The following LUZP1 variants were observed in gnomAD, a reference collection of about 807,000 sequenced individuals.
LUZP1 encodes leucine zipper protein 1, also known as filamin mechanobinding actin cross-linking protein.
A neutral mutation model predicts 71.3 loss-of-function variants in LUZP1; 25 were observed. The observed-to-expected ratio is 0.35, with a 90% CI of 0.26 to 0.49. The LOEUF is 0.49. Among genes scored for constraint, LUZP1 ranks in the 20% least tolerant of loss-of-function variants. The probability of loss-of-function intolerance (pLI) is 0.99; values close to 1 mark genes in which losing one functional copy is unlikely to be tolerated. For synonymous variants in LUZP1, 481 were observed against 506.4 expected (o/e 0.95, Z 0.67); for missense variants, 1,142 against 1,300.8 (o/e 0.88, Z 1.88).
At chr1:23,141,213 G>C (rs1043658801) in intron 2 of LUZP1, 1 of 152,304 alleles carries the variant, frequency 6.6e-6, no homozygotes, top group African/African-American at 2.4e-5. Flanking sequence ...GAAGGTGGGG[G>C]AAAGGAGGAA....
At chr1:23,123,985 A>G (rs547504053) in intron 2 of LUZP1, among the ~76,000 whole-genome samples, 3 of 152,308 alleles carry the variant, frequency 2.0e-5, no homozygotes, top group South Asian at 2.1e-4. Flanking sequence ...AAACATTCAG[A>G]TGTCTTAGAG....
chr1:23,100,728 G>A (rs1643925274), intron 3 of LUZP1, among the ~76,000 whole-genome samples: 1 of 152,190 alleles, frequency 6.6e-6, no homozygotes, highest in Non-Finnish European at 1.5e-5. Flanking sequence ...ATTTTGAGCA[G>A]GCTGAACTCC....
chr1:23,109,925 T>C (rs1420690917), intron 2 of LUZP1, among the ~76,000 whole-genome samples: 1 of 152,194 alleles, frequency 6.6e-6, no homozygotes, highest in Non-Finnish European at 1.5e-5. Context: ...GCAAGGATTC[T>C]ACTAAAAATA....
chr1:23,119,157 T>C (rs1644109653), intron 2 of LUZP1, among the ~76,000 whole-genome samples: 1 of 152,096 alleles, frequency 6.6e-6, no homozygotes, highest in South Asian at 2.1e-4. Flanking sequence ...TACACCATAA[T>C]TATAGACCAC....
In LUZP1 at chr1:23,094,161, G is replaced by T; in HGVS notation, c.101C>A (p.Thr34Lys). 7 of 1,614,138 alleles carry T rather than the reference G, an allele frequency of 4.3e-6. No homozygotes were observed. Among genetic ancestry groups the T allele is most frequent in the Non-Finnish European group, 5.9e-6 (7 of 1,180,032 alleles). The change falls in exon 4 of 5, where the codon ACA (threonine) becomes AAA (lysine). Residue 34 changes from threonine (T) to lysine (K), a missense_variant. By Grantham distance (78) the Thr-to-Lys change is moderately conservative (BLOSUM62 -1). Transcript: ENST00000302291. The surrounding 1 kb of genome is among the most constrained non-coding windows in gnomAD (Gnocchi z 4.7). ...ATCCTCTGCTTTCTGGAGGTTTTTT[G>T]TGGCTTCCTCCAACTCATCAAGGCG...
intron 2 of LUZP1, among the ~76,000 whole-genome samples, chr1:23,114,826 T>C (rs1173239491): frequency 6.6e-6 from 1 of 152,216 alleles, no homozygotes; most frequent in Non-Finnish European, 1.5e-5. Context: ...ACAGACATTG[T>C]TGGACCTCAG....
intron 2 of LUZP1, among the ~76,000 whole-genome samples, chr1:23,150,015 A>G (rs1203131720): frequency 6.6e-6 from 1 of 151,772 alleles, no homozygotes; most frequent in African/African-American, 2.4e-5. Context: ...AAAGATGGCA[A>G]TAATTCAAAA....
chr1:23,136,293 TAAACACAC>T (rs1393048975), intron 2 of LUZP1, among the ~76,000 whole-genome samples: 2 of 80,856 alleles, frequency 2.5e-5, no homozygotes, highest in Non-Finnish European at 4.6e-5. Context: ...GATTCCGTCT[TAAACACAC>T]ACACACACAC....
intron 2 of LUZP1, chr1:23,109,609 T>A (rs1338427688): frequency 6.6e-6 from 1 of 152,152 alleles, no homozygotes; most frequent in Non-Finnish European, 1.5e-5. Context: ...TAGGTCGCAG[T>A]CAAAATACAG....
chr1:23,164,454 T>C (rs1246358393), intron 2 of LUZP1, among the ~76,000 whole-genome samples: 1 of 150,900 alleles, frequency 6.6e-6, no homozygotes, highest in Non-Finnish European at 1.5e-5. Context: ...ATCACACCAC[T>C]GCACTTCAGC....
At chr1:23,157,935 C>T (rs1436681072) in intron 2 of LUZP1, among the ~76,000 whole-genome samples, 1 of 151,956 alleles carries the variant, frequency 6.6e-6, no homozygotes, top group African/African-American at 2.4e-5. Flanking sequence ...TCGCTTGAGC[C>T]CAGGAGTTCA....
exon 5 of LUZP1, chr1:23,088,962 G>A: frequency 6.2e-7 from 1 of 1,614,192 alleles, no homozygotes; most frequent in Non-Finnish European, 8.5e-7. Flanking sequence ...CCCAGACTCT[G>A]GCAGCCCCTG....
At chr1:23,117,478 C>CTCTCTCTCTCTCT (rs35662791) in intron 2 of LUZP1, among the ~76,000 whole-genome samples, 49 of 17,432 alleles carry the variant, frequency 2.8e-3, no homozygotes, top group African/African-American at 8.3e-3. Context: ...TCTCTCTCTC[C>CTCTCTCTCTCTCT]CCCCCCCCCC....
chr1:23,110,483 A>G (rs1360647094), intron 2 of LUZP1, among the ~76,000 whole-genome samples: 1 of 152,114 alleles, frequency 6.6e-6, no homozygotes, highest in Non-Finnish European at 1.5e-5. Context: ...CCCTTCTTTC[A>G]TCACAACTGC....
chr1:23,116,447 C>A (rs954403338), intron 2 of LUZP1, among the ~76,000 whole-genome samples: 1 of 151,906 alleles, frequency 6.6e-6, no homozygotes, highest in African/African-American at 2.4e-5. Flanking sequence ...CTTGAGCCCA[C>A]GTGTTCAAGG....
At position 23,138,927 on chromosome 1, in the gene LUZP1, G is replaced by A. The variant is rs150195392; in HGVS notation, c.-225-29800C>T. Among the ~76,000 whole-genome samples the A allele has an allele frequency of 5.4e-3, 787 of 144,572 alleles. 8 individuals are homozygous for A. The highest frequency in any genetic ancestry group is 0.018 in the African/African-American group (715 of 38,896). The allele number at this position is 144,572 out of a possible 152,430, so 94.8% of individuals were successfully genotyped here. A position where few individuals can be genotyped will look rare whatever the true frequency, so the allele number is the denominator to read the frequency against. Reference sequence around the variant, plus strand: ...GCAGGAGAATCGCTTGAACCCGGGAGGTGGAGGTTGCAGTGAGTCAAGATG... The same window carrying A: ...GCAGGAGAATCGCTTGAACCCGGGAAGTGGAGGTTGCAGTGAGTCAAGATG... On this transcript the variant is annotated intron_variant, in intron 2 of 4. Transcript: ENST00000302291.
rs71020480 is a variant in LUZP1 at position 23,131,219 on chromosome 1, CAAAAAAAAAAAAA to C, written c.-225-22105_-225-22093del. Among the ~76,000 whole-genome samples the C allele has an allele frequency of 2.3e-3, 102 of 45,044 alleles. 2 individuals are homozygous for C. The highest frequency in any genetic ancestry group is 7.9e-3 in the African/African-American group (77 of 9,710). The allele number at this position is 45,044 out of a possible 152,430, so 29.6% of individuals were successfully genotyped here. A position where few individuals can be genotyped will look rare whatever the true frequency, so the allele number is the denominator to read the frequency against. On this transcript the variant is annotated intron_variant, in intron 2 of 4. Coordinates refer to ENST00000302291, the Ensembl canonical transcript of LUZP1. ...CGGGCAACAGAGTGAGACTCCATCT[CAAAAAAAAAAAAA>C]AAAAAAAAAAAAAAAGATCTTTCTA...
At chr1:23,167,152 AACAAGGTG>A (rs1254797083) in intron 2 of LUZP1, among the ~76,000 whole-genome samples, 1 of 152,182 alleles carries the variant, frequency 6.6e-6, no homozygotes, top group Non-Finnish European at 1.5e-5. Flanking sequence ...CAAAGTTGCA[AACAAGGTG>A]ACAGAAGGCA....
intron 2 of LUZP1, among the ~76,000 whole-genome samples, chr1:23,158,388 C>T (rs1644436645): frequency 6.6e-6 from 1 of 152,140 alleles, no homozygotes; most frequent in South Asian, 2.1e-4. Context: ...CAGTGGCTCA[C>T]GCCTGTAATC....
Sources: gnomAD v4.1 joint callset for allele counts (sites outside exome capture counted in the v4.1 genomes callset) on GRCh38, gnomAD v4.1.1 for gene constraint, Gnocchi (gnomAD v3.1) non-coding constraint, MANE v1.5 for transcripts, NCBI Gene and HGNC (gene_info 2026-07-23, HGNC 2026-07-21) for gene names.